ATP6V1H: variants seen among roughly 807,000 people sequenced by gnomAD.
The protein encoded by ATP6V1H is ATPase H+ transporting V1 subunit H.
A neutral mutation model predicts 71.7 loss-of-function variants in ATP6V1H; 39 were observed. That is an observed-to-expected ratio of 0.54 (90% CI 0.42 to 0.71). The LOEUF is 0.71. ATP6V1H is among the 30% of genes least tolerant of loss of function. The pLI is 0.00. For synonymous variants in ATP6V1H, 192 were observed against 199.3 expected (o/e 0.96, Z 0.31); for missense variants, 509 against 594.9 (o/e 0.86, Z 1.50).
intron 10 of ATP6V1H, 56 bp downstream of exon 10, chr8:53,771,933 C>G: frequency 6.7e-7 from 1 of 1,499,518 alleles, no homozygotes; most frequent in Admixed American, 2.0e-5. Flanking sequence ...AAATGCTATG[C>G]AAGTCAAACA....
At chr8:53,838,843 G>A (rs943504593) in intron 2 of ATP6V1H, among the ~76,000 whole-genome samples, 1 of 152,166 alleles carries the variant, frequency 6.6e-6, no homozygotes, top group Non-Finnish European at 1.5e-5. Context: ...CGCTTCCACA[G>A]GTCTTATTAT....
intron 13 of ATP6V1H, among the ~76,000 whole-genome samples, chr8:53,729,972 T>A (rs561139100): frequency 3.3e-5 from 5 of 152,158 alleles, no homozygotes; most frequent in Admixed American, 1.3e-4. Flanking sequence ...ACCCAAACCA[T>A]GTCAGCTGAT....
At chr8:53,750,466 G>C (rs571371746) in intron 12 of ATP6V1H, among the ~76,000 whole-genome samples, 1 of 151,992 alleles carries the variant, frequency 6.6e-6, no homozygotes, top group Admixed American at 6.6e-5. Flanking sequence ...CAAGCAAAAC[G>C]ACATAAAACA....
At chr8:53,818,213 T>G (rs765873363) in intron 4 of ATP6V1H, among the ~76,000 whole-genome samples, 2 of 152,232 alleles carry the variant, frequency 1.3e-5, no homozygotes, top group African/African-American at 4.8e-5. Context: ...ATTTTTTTAC[T>G]ACACCACCAT....
chr8:53,734,072 G>A (rs73682558), intron 13 of ATP6V1H, among the ~76,000 whole-genome samples: 20 of 152,158 alleles, frequency 1.3e-4, no homozygotes, highest in Non-Finnish European at 2.6e-4. Flanking sequence ...GGCAAAACCT[G>A]AACATAAAAG....
intron 13 of ATP6V1H, among the ~76,000 whole-genome samples, chr8:53,741,201 GA>G (rs1451755145): frequency 3.3e-5 from 5 of 151,996 alleles, no homozygotes; most frequent in Admixed American, 2.6e-4. Flanking sequence ...CTAAATTCAA[GA>G]AAAAAGTCAA....
intron 7 of ATP6V1H, among the ~76,000 whole-genome samples, chr8:53,810,274 T>A (rs938273365): frequency 2.0e-5 from 3 of 152,228 alleles, no homozygotes; most frequent in Non-Finnish European, 4.4e-5. Context: ...TGAACATCGT[T>A]AACTTGTCCA....
chr8:53,779,032 G>A (rs1304912410), intron 9 of ATP6V1H, among the ~76,000 whole-genome samples: 1 of 152,120 alleles, frequency 6.6e-6, no homozygotes. Context: ...TAATTACAGA[G>A]CTTCAAAATT....
intron 13 of ATP6V1H, among the ~76,000 whole-genome samples, chr8:53,731,259 T>TA (rs1032362947): frequency 6.6e-6 from 1 of 152,090 alleles, no homozygotes; most frequent in African/African-American, 2.4e-5. Flanking sequence ...GACACCTACA[T>TA]ACACTTCTGT....
intron 12 of ATP6V1H, among the ~76,000 whole-genome samples, chr8:53,749,513 A>G (rs532920902): frequency 6.6e-6 from 1 of 152,150 alleles, no homozygotes; most frequent in African/African-American, 2.4e-5. Context: ...TCTCCTCCTC[A>G]TGGAGCTGGC....
At position 53,748,259 on chromosome 8, in the gene ATP6V1H, G is replaced by T. The variant is rs145983905; in HGVS notation, c.1278-4569C>A. Among the ~76,000 whole-genome samples, 300 of 152,260 alleles carry T rather than the reference G, an allele frequency of 2.0e-3. 2 individuals are homozygous for T. The highest frequency in any genetic ancestry group is 7.0e-3 in the African/African-American group (289 of 41,560). On this transcript the variant is annotated intron_variant, in intron 12 of 13. Transcript: ENST00000359530. ...AAATATTCCTACGGATCATGTAAGTGATTAAAATATAAACTAAAAGCACCA... is the reference window on the plus strand; with the variant it reads ...AAATATTCCTACGGATCATGTAAGTTATTAAAATATAAACTAAAAGCACCA...
chr8:53,762,583 T>G (rs1293901712), intron 11 of ATP6V1H, among the ~76,000 whole-genome samples: 1 of 150,604 alleles, frequency 6.6e-6, no homozygotes, highest in Non-Finnish European at 1.5e-5. Context: ...CAGAAAATAA[T>G]GAACAGCAAT....
chr8:53,833,127 A>G (rs771735533), intron 2 of ATP6V1H, 41 bp from the exon 3 acceptor site: 1 of 1,505,270 alleles, frequency 6.6e-7, no homozygotes, highest in South Asian at 1.1e-5. Flanking sequence ...GTAAGAGTTG[A>G]ATATGTAAGC....
chr8:53,780,049 C>T (rs1212701425), intron 9 of ATP6V1H, among the ~76,000 whole-genome samples: 1 of 151,566 alleles, frequency 6.6e-6, no homozygotes, highest in Non-Finnish European at 1.5e-5. Flanking sequence ...ATCACAGCTA[C>T]TCAGAAGGCT....
At chr8:53,752,671 C>T (rs1017672131) in intron 12 of ATP6V1H, among the ~76,000 whole-genome samples, 3 of 152,162 alleles carry the variant, frequency 2.0e-5, no homozygotes, top group African/African-American at 7.2e-5. Context: ...CTGCCTCAGC[C>T]TCCCAAGTAG....
At chr8:53,779,432 A>ATATG (rs1809014962) in intron 9 of ATP6V1H, among the ~76,000 whole-genome samples, 1 of 151,776 alleles carries the variant, frequency 6.6e-6, no homozygotes, top group East Asian at 1.9e-4. Flanking sequence ...TAGTCAAAGA[A>ATATG]GAAATCATGA....
At chr8:53,838,831 G>GA (rs770583451) in intron 2 of ATP6V1H, among the ~76,000 whole-genome samples, 22 of 152,148 alleles carry the variant, frequency 1.4e-4, no homozygotes, top group Non-Finnish European at 3.1e-4. Context: ...GACACTGGGG[G>GA]ACGCTTCCAC....
rs530574785 is a variant in ATP6V1H, at chr8:53,735,594, G to A, written c.1391+7983C>T. 9.9e-5 allele frequency among the ~76,000 whole-genome samples: 15 copies of A among 152,004 alleles called. 1 individual carries two copies. The South Asian group carries it at 2.9e-3, about 30-fold the overall frequency. Reference sequence around the variant, plus strand: ...TTGCCCTATAAGATTTTGTTCAGTCGGCCACCCCGCAAATCATAAGTCCCC... The same window carrying A: ...TTGCCCTATAAGATTTTGTTCAGTCAGCCACCCCGCAAATCATAAGTCCCC... On this transcript the variant is annotated intron_variant, in intron 13 of 13. Transcript: ENST00000359530.
At chr8:53,824,663 C>A (rs1034228423) in intron 4 of ATP6V1H, among the ~76,000 whole-genome samples, 4 of 152,088 alleles carry the variant, frequency 2.6e-5, no homozygotes, top group African/African-American at 9.6e-5. Flanking sequence ...AAAATAACAG[C>A]CTTTGACAAA....
Sources: allele counts gnomAD v4.1 joint callset (sites outside exome capture counted in the v4.1 genomes callset), GRCh38; gene constraint gnomAD v4.1.1; transcripts MANE v1.5; gene names NCBI Gene and HGNC (gene_info 2026-07-23, HGNC 2026-07-21).